LEPROTL1: variants seen among roughly 807,000 people sequenced by gnomAD.
LEPROTL1 encodes leptin receptor overlapping transcript-like 1.
LEPROTL1 carries 6 observed loss-of-function variants against 15.4 expected under a neutral mutation model. The ratio of observed to expected loss-of-function variants is 0.39; its 90% CI spans 0.21 to 0.77. LEPROTL1 has a LOEUF of 0.77. LEPROTL1 is among the 30% of genes least tolerant of loss of function. The pLI is 0.41. For missense variants in LEPROTL1, 128 were observed against 158.1 expected, an observed-to-expected ratio of 0.81 and a Z score of 1.02; for synonymous variants, 56 against 52.6, an observed-to-expected ratio of 1.06 and a Z score of -0.28.
At chr8:30,120,612 C>T (rs1036314226) in intron 3 of LEPROTL1, among the ~76,000 whole-genome samples, 1 of 152,166 alleles carries the variant, frequency 6.6e-6, no homozygotes, top group Non-Finnish European at 1.5e-5. Context: ...TTCACTGCAA[C>T]CTTCGCCTCT....
At chr8:30,095,559 T>C (rs764703052) in intron 1 of LEPROTL1, 31 bp downstream of exon 1, 6 of 1,359,886 alleles carry the variant, frequency 4.4e-6, no homozygotes, top group South Asian at 1.7e-5. Context: ...GCGGGAGGGC[T>C]GGGGCCGGCG....
intron 3 of LEPROTL1, among the ~76,000 whole-genome samples, chr8:30,127,112 G>T (rs1802915878): frequency 6.6e-6 from 1 of 152,096 alleles, no homozygotes; most frequent in Admixed American, 6.6e-5. Flanking sequence ...CCTAGGTGAT[G>T]ATGCCATTTC....
chr8:30,123,017 G>T (rs550503896), intron 3 of LEPROTL1, among the ~76,000 whole-genome samples: 1 of 152,268 alleles, frequency 6.6e-6, no homozygotes, highest in South Asian at 2.1e-4. Flanking sequence ...CTGGGGGTTG[G>T]TGGATCATCT....
At chr8:30,138,265 C>G (rs1803190183), downstream of LEPROTL1, 1 of 313,900 alleles carries the variant, frequency 3.2e-6, no homozygotes, top group South Asian at 6.8e-5. Context: ...ACTGCAATTC[C>G]CCTGTTTGTC....
At chr8:30,112,359 C>T (rs1405372064), downstream of LEPROTL1, among the ~76,000 whole-genome samples, 1 of 145,206 alleles carries the variant, frequency 6.9e-6, no homozygotes, top group Non-Finnish European at 1.5e-5. Flanking sequence ...GCTTAGCCTC[C>T]CGAGTAGCTG....
chr8:30,126,923 C>T lies in LEPROTL1; in HGVS notation c.280-5452C>T, dbSNP rs926360790. Among the ~76,000 whole-genome samples, 8 of 152,034 alleles carry T rather than the reference C, an allele frequency of 5.3e-5. No individual in the cohort carries two copies. The East Asian group carries it at 5.8e-4, about 11-fold the overall frequency. ...GATATGGTGGCACACGCCTGTAATC[C>T]GAGCTACTTTGGAATCTGAGGCATG... On this transcript the variant is annotated intron_variant, in intron 3 of 4. Transcript: ENST00000442880.
chr8:30,130,823 A>G (rs1240385175), intron 3 of LEPROTL1, among the ~76,000 whole-genome samples: 1 of 139,020 alleles, frequency 7.2e-6, no homozygotes, highest in Non-Finnish European at 1.5e-5. Context: ...TCTGTCGCCC[A>G]GGCTGGAGTG....
rs1244774511 is a variant in LEPROTL1 at position 30,106,374 on chromosome 8, G to A, written c.*512G>A. The A allele has an allele frequency of 1.2e-5, 12 of 985,998 alleles. No homozygotes were observed. The highest frequency in any genetic ancestry group is 2.3e-4 in the East Asian group (2 of 8,830). 61.1% of individuals were successfully genotyped at this position (985,998 alleles called of 1,614,324 possible). ...GCAGACATACAGACGGTTGGCATAC[G>A]TTATAGACTGTATACTCAGTGCAAA... is the stretch of plus-strand genomic sequence containing the variant. On this transcript the variant is annotated 3_prime_UTR_variant, in exon 4 of 4. Coordinates refer to ENST00000321250, the MANE Select transcript of LEPROTL1 (RefSeq NM_015344.3).
At chr8:30,129,605 T>C (rs1275992982) in intron 3 of LEPROTL1, among the ~76,000 whole-genome samples, 2 of 151,522 alleles carry the variant, frequency 1.3e-5, no homozygotes, top group Non-Finnish European at 2.9e-5. Flanking sequence ...CTTGGAAGGG[T>C]GAGGCAGGAG....
chr8:30,134,564 CAG>C (rs1244008973), intron 4 of LEPROTL1, among the ~76,000 whole-genome samples: 5 of 152,004 alleles, frequency 3.3e-5, no homozygotes, highest in African/African-American at 9.7e-5. Flanking sequence ...TTTTTGGAGA[CAG>C]AGTCTCATTC....
chr8:30,114,589 C>T (rs1182042100), intron 3 of LEPROTL1, among the ~76,000 whole-genome samples: 1 of 152,162 alleles, frequency 6.6e-6, no homozygotes, highest in Non-Finnish European at 1.5e-5. Context: ...CTGCGCCCAG[C>T]TTACATGACA....
downstream of LEPROTL1, among the ~76,000 whole-genome samples, chr8:30,109,049 A>C (rs1429288266): frequency 8.5e-6 from 1 of 117,578 alleles, no homozygotes; most frequent in Admixed American, 1.1e-4. Context: ...CCCCGAAAAA[A>C]AGTGCTGGGA....
At chr8:30,137,463 T>C (rs1303773580) in exon 5 of LEPROTL1, 4 of 1,551,610 alleles carry the variant, frequency 2.6e-6, no homozygotes, top group Non-Finnish European at 2.6e-6. Flanking sequence ...CTCTGTGGGC[T>C]CTAGGATTCC....
intron 1 of LEPROTL1, among the ~76,000 whole-genome samples, chr8:30,100,616 A>G (rs1180116619): frequency 1.3e-5 from 2 of 152,070 alleles, no homozygotes; most frequent in Non-Finnish European, 2.9e-5. Flanking sequence ...CACCCAGCTA[A>G]TTTTTTGTAT....
chr8:30,126,987 C>A (rs1229243397), intron 3 of LEPROTL1, among the ~76,000 whole-genome samples: 1 of 152,006 alleles, frequency 6.6e-6, no homozygotes, highest in African/African-American at 2.4e-5. Context: ...TTGCAGTGAG[C>A]CAACATGGCA....
At chr8:30,109,277 T>C (rs778908837), downstream of LEPROTL1, among the ~76,000 whole-genome samples, 3 of 152,234 alleles carry the variant, frequency 2.0e-5, no homozygotes, top group Non-Finnish European at 4.4e-5. Flanking sequence ...GAAATTCGTA[T>C]TTCTTCTCTA....
At chr8:30,102,944 ATATT>A (rs1802495640) in intron 2 of LEPROTL1, among the ~76,000 whole-genome samples, 1 of 152,188 alleles carries the variant, frequency 6.6e-6, no homozygotes, top group Non-Finnish European at 1.5e-5. Flanking sequence ...CTCAAAGTAT[ATATT>A]CTTTGAGTTA....
intron 1 of LEPROTL1, among the ~76,000 whole-genome samples, chr8:30,097,671 C>A (rs1447457927): frequency 1.7e-3 from 51 of 29,390 alleles, no homozygotes; most frequent in South Asian, 0.01. Context: ...GACTCTGTCT[C>A]AAAAAAAAAA....
chr8:30,121,701 A>G (rs541710521), intron 3 of LEPROTL1, among the ~76,000 whole-genome samples: 14 of 152,164 alleles, frequency 9.2e-5, no homozygotes, highest in African/African-American at 2.4e-4. Flanking sequence ...TTTTTACCCA[A>G]TGCAGGGATG....
Sources: gnomAD v4.1 joint callset for allele counts (sites outside exome capture counted in the v4.1 genomes callset) on GRCh38, gnomAD v4.1.1 for gene constraint, MANE v1.5 for transcripts, NCBI Gene and HGNC (gene_info 2026-07-23, HGNC 2026-07-21) for gene names.